Variants in DLC1 observed in about 807,000 individuals in gnomAD.
DLC1 encodes DLC1 Rho GTPase activating protein.
DLC1 carries 54 observed loss-of-function variants against 140.3 expected under a neutral mutation model. The observed-to-expected ratio is 0.38, with a 90% CI of 0.31 to 0.48. The LOEUF (loss-of-function observed/expected upper bound fraction) is 0.48. Ranked by LOEUF, DLC1 falls within the 20% of genes least tolerant of loss-of-function variation. The probability of loss-of-function intolerance (pLI) is 0.96; values close to 1 mark genes in which losing one functional copy is unlikely to be tolerated. For missense variants in DLC1, 2,536 were observed against 1,907.0 expected (o/e 1.33, Z -6.14); for synonymous variants, 986 against 728.1 (o/e 1.35, Z -5.70).
At chr8:13,595,685 T>A (rs1805659461) in intron 1 of DLC1, among the ~76,000 whole-genome samples, 1 of 152,042 alleles carries the variant, frequency 6.6e-6, no homozygotes, top group Non-Finnish European at 1.5e-5. Flanking sequence ...AACATAAACA[T>A]TCTCTCAAAT....
At chr8:13,464,519 C>A (rs985159381) in intron 2 of DLC1, among the ~76,000 whole-genome samples, 1 of 151,886 alleles carries the variant, frequency 6.6e-6, no homozygotes, top group African/African-American at 2.4e-5. Flanking sequence ...TCAGTTGATA[C>A]ACGAAACATA....
intron 10 of DLC1, 57 bp downstream of exon 10, chr8:13,098,342 G>C (rs757868276): frequency 6.3e-7 from 1 of 1,597,014 alleles, no homozygotes; most frequent in Non-Finnish European, 8.5e-7. Flanking sequence ...ACAACCTCAA[G>C]GAACTGACCA....
intron 4 of DLC1, among the ~76,000 whole-genome samples, chr8:13,367,766 T>G (rs986320603): frequency 6.6e-6 from 1 of 152,202 alleles, no homozygotes; most frequent in Non-Finnish European, 1.5e-5. Flanking sequence ...TCAGGATGAA[T>G]TCTGCAGGTT....
At chr8:13,098,326 G>A (rs2128935389) in intron 10 of DLC1, 73 bp downstream of exon 10, 2 of 1,542,482 alleles carry the variant, frequency 1.3e-6, no homozygotes, top group Non-Finnish European at 8.8e-7. Flanking sequence ...ATTTTTTACT[G>A]TGGGGACAAC....
intron 1 of DLC1, among the ~76,000 whole-genome samples, chr8:13,544,916 A>G (rs1803604306): frequency 6.6e-6 from 1 of 152,176 alleles, no homozygotes; most frequent in African/African-American, 2.4e-5. Flanking sequence ...CTTAAGAGCC[A>G]CAGTGAGTAC....
At chr8:13,305,545 C>T (rs1429621263) in intron 4 of DLC1, among the ~76,000 whole-genome samples, 3 of 152,162 alleles carry the variant, frequency 2.0e-5, no homozygotes, top group Non-Finnish European at 4.4e-5. Context: ...TTATCTTTAA[C>T]ACTGGCAATA....
intron 1 of DLC1, among the ~76,000 whole-genome samples, chr8:13,583,331 A>C (rs1361102864): frequency 1.3e-5 from 2 of 152,180 alleles, no homozygotes; most frequent in Non-Finnish European, 2.9e-5. Flanking sequence ...TTTTCACAGC[A>C]TCTTCATCAG....
At chr8:13,509,088 T>G (rs1268081483) in intron 1 of DLC1, among the ~76,000 whole-genome samples, 1 of 152,196 alleles carries the variant, frequency 6.6e-6, no homozygotes, top group Non-Finnish European at 1.5e-5. Context: ...TTTGCTGTAT[T>G]ATAAAAAGAT....
intron 5 of DLC1, among the ~76,000 whole-genome samples, chr8:13,254,510 A>G (rs1428277566): frequency 6.6e-6 from 1 of 152,222 alleles, no homozygotes; most frequent in Non-Finnish European, 1.5e-5. Flanking sequence ...GCATGAATAC[A>G]ATTGATGCCA....
chr8:13,111,737 A>G (rs746132628), intron 6 of DLC1, among the ~76,000 whole-genome samples: 1 of 152,108 alleles, frequency 6.6e-6, no homozygotes, highest in Non-Finnish European at 1.5e-5. Flanking sequence ...CCTCCTCAGT[A>G]GAGTGCTACT....
intron 2 of DLC1, among the ~76,000 whole-genome samples, chr8:13,457,457 T>C (rs1449928128): frequency 3.3e-5 from 5 of 151,858 alleles, no homozygotes. Context: ...GGCAGGCAGA[T>C]CATGAGGTCA....
At position 13,416,460 on chromosome 8, in the gene DLC1, G is replaced by C. The variant is rs531997759; in HGVS notation, c.1024-14841C>G. On this transcript the variant is annotated intron_variant, in intron 2 of 17. Coordinates refer to ENST00000276297, the MANE Select transcript of DLC1 (RefSeq NM_182643.3). ...ATATAAAAGATATATATTTTATTGA[G>C]TGCAGACATACAAAATATGGCCACT... Among the ~76,000 whole-genome samples, 3 of 152,200 alleles carry C rather than the reference G, an allele frequency of 2.0e-5. No homozygotes were observed. In the South Asian group the frequency reaches 6.2e-4, roughly 32 times the overall value.
intron 5 of DLC1, among the ~76,000 whole-genome samples, chr8:13,242,930 T>C (rs752386514): frequency 3.2e-4 from 48 of 152,048 alleles, no homozygotes; most frequent in Non-Finnish European, 5.9e-4. Context: ...TCCCCACATG[T>C]TAGAAGAGGG....
chr8:13,505,914 T>G (rs952352123), intron 1 of DLC1, among the ~76,000 whole-genome samples: 1 of 152,212 alleles, frequency 6.6e-6, no homozygotes, highest in Non-Finnish European at 1.5e-5. Context: ...TACATGCACA[T>G]AAATGGGGAA....
rs916333479 is a variant in DLC1, at chr8:13,087,035, G to T, written c.4293-572C>A. Among the ~76,000 whole-genome samples, 5 of 152,278 alleles carry T rather than the reference G, an allele frequency of 3.3e-5. No individual in the cohort carries two copies. The East Asian group carries it at 9.6e-4, about 29-fold the overall frequency. On this transcript the variant is annotated intron_variant, in intron 16 of 17. Transcript: ENST00000276297. ...ATAAATATAAAAATAAAAATGGCTT[G>T]AGGCTGCACATTTGCTCTTTTGCTC... is the stretch of plus-strand genomic sequence containing the variant.
intron 5 of DLC1, among the ~76,000 whole-genome samples, chr8:13,123,165 G>A (rs528301673): frequency 1.1e-3 from 168 of 152,212 alleles, no homozygotes; most frequent in Non-Finnish European, 1.9e-3. Flanking sequence ...TGTTAAGCCC[G>A]AAGTGACCCT....
chr8:13,533,844 A>T (rs1372990055), intron 1 of DLC1, among the ~76,000 whole-genome samples: 2 of 152,276 alleles, frequency 1.3e-5, no homozygotes, highest in Non-Finnish European at 2.9e-5. Context: ...TATAAGTGGC[A>T]GTTTTTCTTG....
At chr8:13,194,439 C>G (rs1585884844) in intron 5 of DLC1, among the ~76,000 whole-genome samples, 3 of 152,288 alleles carry the variant, frequency 2.0e-5, no homozygotes, top group Middle Eastern at 6.8e-3. Flanking sequence ...GTAAAGAATG[C>G]TTTTGCTGAT....
At chr8:13,540,960 A>G (rs1356473162) in intron 1 of DLC1, among the ~76,000 whole-genome samples, 1 of 152,230 alleles carries the variant, frequency 6.6e-6, no homozygotes, top group Admixed American at 6.5e-5. Context: ...ATTCTCTCTG[A>G]GAGACATGTA....
Sources: gnomAD v4.1 joint callset for allele counts (sites outside exome capture counted in the v4.1 genomes callset) on GRCh38, gnomAD v4.1.1 for gene constraint, MANE v1.5 for transcripts, NCBI Gene and HGNC (gene_info 2026-07-23, HGNC 2026-07-21) for gene names.